Variants in PARP1 observed in about 807,000 individuals in gnomAD.
PARP1 encodes the protein poly(ADP-ribose) polymerase 1.
PARP1 carries 44 observed loss-of-function variants against 118.7 expected under a neutral mutation model. The ratio of observed to expected loss-of-function variants is 0.37; its 90% CI spans 0.29 to 0.48. The LOEUF (loss-of-function observed/expected upper bound fraction) is 0.48. Ranked by LOEUF, PARP1 falls within the 20% of genes least tolerant of loss-of-function variation. The probability of loss-of-function intolerance (pLI) is 0.99; values close to 1 mark genes in which losing one functional copy is unlikely to be tolerated. For missense variants in PARP1, 1,100 were observed against 1,272.4 expected, an observed-to-expected ratio of 0.86 and a Z score of 2.06; for synonymous variants, 492 against 483.2, an observed-to-expected ratio of 1.02 and a Z score of -0.24.
At chr1:226,402,445 T>G (rs1006184442) in intron 1 of PARP1, 66 bp from the exon 2 acceptor site, 1 of 1,468,696 alleles carries the variant, frequency 6.8e-7, no homozygotes. Flanking sequence ...CCACTAGACC[T>G]TGACCTTGAC....
intron 8 of PARP1, 149 bp downstream of exon 8, chr1:226,382,887 A>G: frequency 2.4e-6 from 2 of 820,854 alleles, no homozygotes; most frequent in Non-Finnish European, 2.0e-6. Flanking sequence ...GAAGAGGCCT[A>G]TCCCCTGCAG....
In PARP1 at chr1:226,364,006, CA is replaced by C; in HGVS notation, c.2722del (p.Cys908AlafsTer9). 6.2e-7 allele frequency: 1 copy of C among 1,613,752 alleles called. No individual in the cohort carries two copies. On this transcript the variant is annotated frameshift_variant, in exon 20 of 23. Transcript: ENST00000366794. LOFTEE classifies it high-confidence loss of function. ...TATTGGGTCTCCCTGAGACGTATGGCAGTAGTTGGCACTCTTGGAGACCATG... is the reference window on the plus strand; with the variant it reads ...TATTGGGTCTCCCTGAGACGTATGGCGTAGTTGGCACTCTTGGAGACCATG... ...ADMVSKSANY[C>X]HTSQGDPIGL...
chr1:226,374,953 C>T (rs966210540), intron 13 of PARP1, among the ~76,000 whole-genome samples: 6 of 152,236 alleles, frequency 3.9e-5, no homozygotes, highest in Admixed American at 1.3e-4. Flanking sequence ...CTCCACCCCC[C>T]ACTGTCTGAA....
Position 226,374,371 on chromosome 1 carries a change from C to G in PARP1, c.1942-17G>C, listed in dbSNP as rs2102732457. 2 of 1,614,172 alleles carry G rather than the reference C, an allele frequency of 1.2e-6. No individual in the cohort carries two copies. Among genetic ancestry groups the G allele is most frequent in the Non-Finnish European group, 8.5e-7 (1 of 1,180,028 alleles). ...CTCTTCATCCTTCAGGAAAAAAGCA[C>G]ATTGCTAAGAGACCCAAATCAACAA... On this transcript the variant is annotated splice_polypyrimidine_tract_variant and intron_variant, in intron 13 of 22. Coordinates refer to ENST00000366794, the MANE Select transcript of PARP1 (RefSeq NM_001618.4).
chr1:226,401,678 C>T (rs1314792271), intron 2 of PARP1, among the ~76,000 whole-genome samples: 1 of 152,156 alleles, frequency 6.6e-6, no homozygotes, highest in Non-Finnish European at 1.5e-5. Flanking sequence ...AGCTATTCTT[C>T]CTTAATCTTA....
rs548463625 is a variant in PARP1 at position 226,387,045 on chromosome 1, C to A, written c.718-603G>T. 3.9e-5 allele frequency among the ~76,000 whole-genome samples: 6 copies of A among 152,150 alleles called. 1 individual carries two copies. The South Asian group carries it at 6.2e-4, about 16-fold the overall frequency. On this transcript the variant is annotated intron_variant, in intron 5 of 22. Coordinates refer to ENST00000366794, the MANE Select transcript of PARP1 (RefSeq NM_001618.4). The stretch of plus-strand genomic sequence containing the variant: ...TTGCCCAGACTGGAGTGCAATGATG[C>A]GGTCTCAGCTCACTGCAACCTCCAC...
intron 16 of PARP1, 24 bp from the exon 17 acceptor site, chr1:226,367,632 C>T (rs750412344): frequency 8.1e-6 from 13 of 1,613,416 alleles, no homozygotes; most frequent in South Asian, 4.4e-5. Flanking sequence ...AGAAAGCCCC[C>T]GACTTAGGTA....
intron 13 of PARP1, among the ~76,000 whole-genome samples, chr1:226,376,717 T>C (rs926669131): frequency 3.9e-5 from 6 of 152,344 alleles, no homozygotes; most frequent in South Asian, 2.1e-4. Context: ...ATATATTACA[T>C]TGATTTTTAA....
Position 226,361,282 on chromosome 1 carries a change from A to G in PARP1, c.*178T>C, listed in dbSNP as rs958840823. The G allele has an allele frequency of 1.5e-6, 1 of 675,624 alleles. No homozygotes were observed. Among genetic ancestry groups the G allele is most frequent in the African/African-American group, 1.8e-5 (1 of 55,924 alleles). 41.9% of individuals were successfully genotyped at this position (675,624 alleles called of 1,614,324 possible). The stretch of plus-strand genomic sequence containing the variant: ...AACCCCTCCCCACAGACACAACACA[A>G]AACAAGGGACTTGAGAAGTTAGAGA... On this transcript the variant is annotated 3_prime_UTR_variant, in exon 23 of 23. Coordinates refer to ENST00000366794, the MANE Select transcript of PARP1 (RefSeq NM_001618.4).
rs1275684619 is a variant in PARP1 at position 226,361,987 on chromosome 1, G to C, written c.2945C>G (p.Thr982Ser). 3.8e-6 allele frequency: 6 copies of C among 1,588,470 alleles called. No individual in the cohort carries two copies. Among genetic ancestry groups the C allele is most frequent in the South Asian group, 3.3e-5 (3 of 90,574 alleles). Residue 982 changes from threonine to serine, a missense_variant, in exon 22 of 23, where the codon ACC becomes AGC. Physicochemically the swap from Thr to Ser is moderately conservative, Grantham distance 58. Transcript: ENST00000366794. ...AGGATACTCGTTATATAGTAGAGAGGTGTCATTCACACCAGATGAAATCCC... is the reference window on the plus strand; with the variant it reads ...AGGATACTCGTTATATAGTAGAGAGCTGTCATTCACACCAGATGAAATCCC... ...GTGISSGVND[T>S]SLLYNEYIVY...
At position 226,385,618 on chromosome 1, in the gene PARP1, C is replaced by T. The variant is rs1444131864; in HGVS notation, c.897G>A (p.Ser299=). The T allele has an allele frequency of 5.6e-6, 9 of 1,614,126 alleles. No individual in the cohort carries two copies. Among genetic ancestry groups the T allele is most frequent in the Admixed American group, 1.7e-5 (1 of 60,020 alleles). Residue 299 remains serine (S), a synonymous_variant, in exon 7 of 23, where the codon TCG becomes TCA. Transcript: ENST00000366794. ...FGALLPCEEC[S]GQLVFKSDAY... is the part of the protein sequence containing the mutation. ...CATCGCTCTTGAAGACCAGCTGACC[C>T]GAGCATTCCTCGCAGGGAAGGAGGG...
intron 1 of PARP1, among the ~76,000 whole-genome samples, chr1:226,403,215 C>T (rs770514070): frequency 1.3e-5 from 2 of 152,140 alleles, no homozygotes; most frequent in Admixed American, 6.5e-5. Context: ...TTTTTGAGAC[C>T]GAGTCTTGCA....
intron 18 of PARP1, 106 bp downstream of exon 18, chr1:226,365,848 T>C: frequency 1.3e-6 from 1 of 751,138 alleles, no homozygotes; most frequent in East Asian, 2.6e-5. Context: ...CTTTGGGTTA[T>C]TTAAAGTAAA....
intron 15 of PARP1, among the ~76,000 whole-genome samples, chr1:226,369,965 AAAG>A (rs1310632002): frequency 1.4e-5 from 1 of 69,058 alleles, no homozygotes; most frequent in Non-Finnish European, 3.7e-5. Context: ...CAAAAAAGAA[AAAG>A]AAAGAAAAAT....
chr1:226,392,647 G>A, intron 2 of PARP1: 1 of 537,378 alleles, frequency 1.9e-6, no homozygotes, highest in East Asian at 3.2e-5. Flanking sequence ...TACCTTAAAA[G>A]CCTGGAAGCA....
Position 226,402,214 on chromosome 1 carries a change from C to A in PARP1, c.286G>T (p.Gly96Cys). 6 of 1,614,216 alleles carry A rather than the reference C, an allele frequency of 3.7e-6. No individual in the cohort carries two copies. Among genetic ancestry groups the A allele is most frequent in the Non-Finnish European group, 5.1e-6 (6 of 1,180,044 alleles). ...CCATGCTGCCCCAGTATGTACACAC[C>A]TGTCACTCCTCCAGCTTCCGCTGTC... ...KKTAEAGGVTGKGQDGIGSKA... is the reference protein window; with the variant it reads ...KKTAEAGGVTCKGQDGIGSKA... Residue 96 changes from glycine (G) to cysteine (C), a missense_variant and splice_region_variant, in exon 2 of 23, where the codon GGC becomes TGC. This residue lies in a region of PARP1 where 948 missense variants were observed against 1,031.8 expected (regional missense o/e 0.92). Coordinates refer to ENST00000366794, the MANE Select transcript of PARP1 (RefSeq NM_001618.4).
intron 21 of PARP1, 39 bp downstream of exon 21, chr1:226,363,060 G>A (rs548362897): frequency 1.3e-6 from 2 of 1,482,284 alleles, no homozygotes; most frequent in East Asian, 4.5e-5. Context: ...GCTGTCCAGG[G>A]TGCCTCGGGC....
At chr1:226,374,203 A>G (rs1184494400) in intron 14 of PARP1, 23 bp downstream of exon 14, 1 of 1,612,940 alleles carries the variant, frequency 6.2e-7, no homozygotes. Context: ...ATGCTCACAG[A>G]TAAAATGATA....
In PARP1 at chr1:226,361,958, A is replaced by G; in HGVS notation, c.2963+11T>C. 1 of 1,485,044 alleles carries G rather than the reference A, an allele frequency of 6.7e-7. No homozygotes were observed. The highest frequency in any genetic ancestry group is 9.4e-7 in the Non-Finnish European group (1 of 1,062,134). The allele number at this position is 1,485,044 out of a possible 1,614,324, so 92.0% of individuals were successfully genotyped here. On this transcript the variant is annotated intron_variant, in intron 22 of 22. Coordinates refer to ENST00000366794, the MANE Select transcript of PARP1 (RefSeq NM_001618.4). Reference sequence around the variant, plus strand: ...CCTTTGTGCTCACACAGCATACTCAAGAAAGGATACTCGTTATATAGTAGA... The same window carrying G: ...CCTTTGTGCTCACACAGCATACTCAGGAAAGGATACTCGTTATATAGTAGA...
Sources: allele counts gnomAD v4.1 joint callset (sites outside exome capture counted in the v4.1 genomes callset), GRCh38; gene constraint gnomAD v4.1.1; regional missense constraint gnomAD v4.1.1; transcripts MANE v1.5; gene names NCBI Gene and HGNC (gene_info 2026-07-23, HGNC 2026-07-21).